Variants in FNDC3B observed in about 807,000 individuals in gnomAD.
FNDC3B encodes the protein fibronectin type III domain-containing protein 3B.
FNDC3B carries 12 observed loss-of-function variants against 151.5 expected under a neutral mutation model. The observed-to-expected ratio is 0.08, with a 90% CI of 0.05 to 0.13. The LOEUF is 0.13. Among genes scored for constraint, FNDC3B ranks in the 10% least tolerant of loss-of-function variants. FNDC3B has a pLI of 1.00. For synonymous variants in FNDC3B, 528 were observed against 549.0 expected, an observed-to-expected ratio of 0.96 and a Z score of 0.54; for missense variants, 1,214 against 1,505.3, an observed-to-expected ratio of 0.81 and a Z score of 3.20.
chr3:172,396,919 G>T (rs905980381), intron 25 of FNDC3B, among the ~76,000 whole-genome samples: 1 of 152,200 alleles, frequency 6.6e-6, no homozygotes, highest in Non-Finnish European at 1.5e-5. Context: ...TTTCTAGTCA[G>T]TGCCTTATCT....
chr3:172,250,450 C>T (rs749867408), intron 5 of FNDC3B, among the ~76,000 whole-genome samples: 3 of 152,162 alleles, frequency 2.0e-5, no homozygotes, highest in Non-Finnish European at 4.4e-5. Flanking sequence ...AATGTTGGCT[C>T]TTTTGTATGC....
intron 1 of FNDC3B, among the ~76,000 whole-genome samples, chr3:172,071,272 G>A (rs1243367314): frequency 1.3e-5 from 2 of 152,020 alleles, no homozygotes; most frequent in Non-Finnish European, 2.9e-5. Flanking sequence ...TTACTCAATC[G>A]TTAGTTTAGA....
chr3:172,042,244 G>A (rs1005113372), intron 1 of FNDC3B, among the ~76,000 whole-genome samples: 10 of 152,186 alleles, frequency 6.6e-5, no homozygotes, highest in African/African-American at 2.4e-4. Flanking sequence ...CACATCAGAC[G>A]ATGGGTTATA....
chr3:172,211,322 G>A (rs539344483), intron 3 of FNDC3B, among the ~76,000 whole-genome samples: 1 of 152,344 alleles, frequency 6.6e-6, no homozygotes, highest in South Asian at 2.1e-4. Flanking sequence ...GGCTCTGCCT[G>A]TCTCTGCAGT....
intron 9 of FNDC3B, chr3:172,302,741 T>C (rs1730979852): frequency 6.6e-6 from 1 of 152,204 alleles, no homozygotes; most frequent in African/African-American, 2.4e-5. Flanking sequence ...CATACAATAT[T>C]TCAAAGGAAT....
chr3:172,362,756 C>T lies in FNDC3B; in HGVS notation c.2919C>T (p.Ser973=), dbSNP rs934641795. The T allele has an allele frequency of 3.1e-6, 5 of 1,613,918 alleles. No homozygotes were observed. The African/African-American group carries it at 4.0e-5, about 13-fold the overall frequency. The change falls in exon 23 of 26, where the codon AGC becomes AGT. Residue 973 remains serine, a synonymous_variant. Coordinates refer to ENST00000415807, the MANE Select transcript of FNDC3B (RefSeq NM_022763.4). The part of the protein sequence containing the change: ...RLECAAAGPQ[S]LKLKWGDSNS... ...AATGTGCTGCTGCTGGTCCTCAGAGCCTGAAGCTAAAATGGGGAGACAGTA... is the reference window on the plus strand; with the variant it reads ...AATGTGCTGCTGCTGGTCCTCAGAGTCTGAAGCTAAAATGGGGAGACAGTA...
intron 1 of FNDC3B, among the ~76,000 whole-genome samples, chr3:172,093,457 A>C (rs975286658): frequency 1.3e-5 from 2 of 151,476 alleles, no homozygotes; most frequent in Non-Finnish European, 2.9e-5. Flanking sequence ...AAGGGGTTTC[A>C]TCGTGTTAGC....
intron 3 of FNDC3B, among the ~76,000 whole-genome samples, chr3:172,201,202 T>A (rs2108688941): frequency 6.6e-6 from 1 of 152,308 alleles, no homozygotes; most frequent in Non-Finnish European, 1.5e-5. Context: ...GCGCTTCCAT[T>A]GGAAACCTAC....
At chr3:172,314,320 G>A (rs1731670410) in intron 11 of FNDC3B, among the ~76,000 whole-genome samples, 1 of 152,136 alleles carries the variant, frequency 6.6e-6, no homozygotes, top group South Asian at 2.1e-4. Context: ...TTAGATTGCA[G>A]AAAGTTTTTG....
At chr3:172,282,693 C>T (rs1729801778) in intron 6 of FNDC3B, among the ~76,000 whole-genome samples, 1 of 152,194 alleles carries the variant, frequency 6.6e-6, no homozygotes, top group Non-Finnish European at 1.5e-5. Context: ...CTCTTTCTCC[C>T]ATCCACCTCA....
chr3:172,047,210 A>G (rs1716409594), intron 1 of FNDC3B, among the ~76,000 whole-genome samples: 1 of 152,214 alleles, frequency 6.6e-6, no homozygotes, highest in Non-Finnish European at 1.5e-5. Flanking sequence ...ATACATGAAC[A>G]AAGGTGGGAT....
intron 6 of FNDC3B, among the ~76,000 whole-genome samples, chr3:172,274,104 G>C (rs943085802): frequency 6.6e-6 from 1 of 152,132 alleles, no homozygotes; most frequent in African/African-American, 2.4e-5. Flanking sequence ...ACATATTACC[G>C]ATGCTTTGGC....
chr3:172,289,333 T>TG (rs1375826771), intron 7 of FNDC3B, among the ~76,000 whole-genome samples: 1 of 152,172 alleles, frequency 6.6e-6, no homozygotes, highest in Non-Finnish European at 1.5e-5. Flanking sequence ...GTGATTTTAC[T>TG]GGGCCCAGCC....
chr3:172,271,916 C>G (rs1729219948), intron 6 of FNDC3B, among the ~76,000 whole-genome samples: 1 of 152,176 alleles, frequency 6.6e-6, no homozygotes, highest in Non-Finnish European at 1.5e-5. Context: ...TAATGGCATT[C>G]TAGAAGAGAA....
intron 3 of FNDC3B, among the ~76,000 whole-genome samples, chr3:172,225,233 G>GC (rs1173327761): frequency 1.3e-5 from 2 of 152,192 alleles, no homozygotes; most frequent in Non-Finnish European, 2.9e-5. Context: ...GAGTATGGTG[G>GC]CTTGATCTTG....
chr3:172,142,803 G>A (rs115583515), intron 3 of FNDC3B, among the ~76,000 whole-genome samples: 214 of 152,320 alleles, frequency 1.4e-3, no homozygotes, highest in African/African-American at 5.1e-3. Flanking sequence ...AGACCGGGTG[G>A]CTTATTAACA....
intron 3 of FNDC3B, among the ~76,000 whole-genome samples, chr3:172,205,218 C>T (rs936941125): frequency 1.3e-5 from 2 of 152,168 alleles, no homozygotes; most frequent in African/African-American, 2.4e-5. Flanking sequence ...TCTGGGTATT[C>T]TTATCCAGGA....
At chr3:172,187,061 C>A in intron 3 of FNDC3B, 1 of 290,982 alleles carries the variant, frequency 3.4e-6, no homozygotes, top group Non-Finnish European at 6.3e-6. Context: ...TTTTTGGAAG[C>A]TTTATTCCTG....
chr3:172,350,172 C>T (rs1010877176), intron 21 of FNDC3B, among the ~76,000 whole-genome samples: 3 of 152,162 alleles, frequency 2.0e-5, no homozygotes, highest in Admixed American at 2.0e-4. Flanking sequence ...GAAAGTGTAG[C>T]TCCTACTGTT....
Sources: gnomAD v4.1 joint callset for allele counts (sites outside exome capture counted in the v4.1 genomes callset) on GRCh38, gnomAD v4.1.1 for gene constraint, MANE v1.5 for transcripts, NCBI Gene and HGNC (gene_info 2026-07-23, HGNC 2026-07-21) for gene names.